Variants in TNFRSF8 observed in about 807,000 individuals in gnomAD.
The protein encoded by TNFRSF8 is TNF receptor superfamily member 8.
In TNFRSF8, 26 loss-of-function variants were observed where a neutral mutation model predicts 70.8. The ratio of observed to expected loss-of-function variants is 0.37; its 90% CI spans 0.27 to 0.51. TNFRSF8 has a LOEUF of 0.51. TNFRSF8 is among the 20% of genes least tolerant of loss of function. The pLI, the probability that TNFRSF8 is intolerant of heterozygous loss-of-function variation, is 0.94. For missense variants in TNFRSF8, 720 were observed against 807.9 expected, an observed-to-expected ratio of 0.89 and a Z score of 1.32; for synonymous variants, 356 against 339.2, an observed-to-expected ratio of 1.05 and a Z score of -0.54.
At chr1:12,066,314 A>G (rs1484034900) in intron 1 of TNFRSF8, among the ~76,000 whole-genome samples, 1 of 151,990 alleles carries the variant, frequency 6.6e-6, no homozygotes, top group Non-Finnish European at 1.5e-5. Context: ...ATTTTAAAAA[A>G]AAAATCCCAA....
At chr1:12,080,362 C>T in intron 1 of TNFRSF8, 2 of 524,418 alleles carry the variant, frequency 3.8e-6, no homozygotes, top group South Asian at 1.4e-5. Flanking sequence ...TGGCCACATC[C>T]ATGCCATAGA....
chr1:12,127,845 A>C (rs1421194317), intron 12 of TNFRSF8, among the ~76,000 whole-genome samples: 1 of 152,186 alleles, frequency 6.6e-6, no homozygotes, highest in East Asian at 1.9e-4. Context: ...GTTACAGAAG[A>C]AAAAAAGAAA....
intron 12 of TNFRSF8, among the ~76,000 whole-genome samples, chr1:12,132,085 C>T (rs1642058573): frequency 6.6e-6 from 1 of 152,210 alleles, no homozygotes; most frequent in African/African-American, 2.4e-5. Flanking sequence ...AGCCACCACG[C>T]CCAGTCTCAT....
intron 2 of TNFRSF8, among the ~76,000 whole-genome samples, chr1:12,085,396 C>T (rs1236773896): frequency 1.3e-5 from 2 of 152,198 alleles, no homozygotes; most frequent in South Asian, 2.1e-4. Context: ...AGGCATGAAC[C>T]AACGTGCCCG....
At chr1:12,098,379 G>A (rs1641365989) in intron 3 of TNFRSF8, among the ~76,000 whole-genome samples, 1 of 152,096 alleles carries the variant, frequency 6.6e-6, no homozygotes, top group Non-Finnish European at 1.5e-5. Flanking sequence ...TACAAAGAGT[G>A]TAAGGAAGAA....
At chr1:12,133,907 G>A (rs1218236378) in intron 12 of TNFRSF8, among the ~76,000 whole-genome samples, 1 of 152,044 alleles carries the variant, frequency 6.6e-6, no homozygotes, top group Non-Finnish European at 1.5e-5. Flanking sequence ...ACAAAAATTA[G>A]CCGGGCGTGG....
At chr1:12,064,653 C>T (rs1330723157) in intron 1 of TNFRSF8, among the ~76,000 whole-genome samples, 2 of 152,072 alleles carry the variant, frequency 1.3e-5, no homozygotes, top group Non-Finnish European at 2.9e-5. Context: ...GTCATCTGAA[C>T]CTTAGGCAGT....
At position 12,063,738 on chromosome 1, in the gene TNFRSF8, G is replaced by C; in HGVS notation, c.63+77G>C. 1.1e-5 allele frequency: 13 copies of C among 1,217,996 alleles called. No homozygotes were observed. The highest frequency in any genetic ancestry group is 1.4e-5 in the Non-Finnish European group (13 of 962,278). The allele number at this position is 1,217,996 out of a possible 1,614,324, so 75.4% of individuals were successfully genotyped here. A position where few individuals can be genotyped will look rare whatever the true frequency, so the allele number is the denominator to read the frequency against. ...AGTGTGGGGTGCGTGGGACGCAAGG[G>C]AGGACACTCCTCACCCCGTTCCCTG... On this transcript the variant is annotated intron_variant, in intron 1 of 14. Transcript: ENST00000263932. This position sits in a 1 kb window ranked among gnomAD's most constrained non-coding sequence, Gnocchi z 7.2.
chr1:12,128,493 G>A lies in TNFRSF8; in HGVS notation c.1309+2257G>A, dbSNP rs192498749. Among the ~76,000 whole-genome samples, 60 of 152,282 alleles carry A rather than the reference G, an allele frequency of 3.9e-4. 1 individual carries two copies. The highest frequency in any genetic ancestry group is 2.6e-3 in the Admixed American group (40 of 15,298). ...CACACGTGATCTCATCCACTCCTCC[G>A]GTGGCCTGTGAGGTACTTACTGTTA... On this transcript the variant is annotated intron_variant, in intron 12 of 14. Coordinates refer to ENST00000263932, the MANE Select transcript of TNFRSF8 (RefSeq NM_001243.5).
At position 12,110,089 on chromosome 1, in the gene TNFRSF8, C is replaced by T; in HGVS notation, c.561C>T (p.Ser187=). The T allele has an allele frequency of 6.2e-7, 1 of 1,613,612 alleles. No homozygotes were observed. The highest frequency in any genetic ancestry group is 8.5e-7 in the Non-Finnish European group (1 of 1,179,794). The change falls in exon 6 of 15, where the codon TCC becomes TCT. Residue 187 remains serine, a synonymous_variant. Coordinates refer to ENST00000263932, the MANE Select transcript of TNFRSF8 (RefSeq NM_001243.5). This position sits in a 1 kb window ranked among gnomAD's most constrained non-coding sequence, Gnocchi z 4.0. The stretch of plus-strand genomic sequence containing the variant: ...CCACCCCGGTGTCCCCAGCAACCTC[C>T]AGTGCCAGCACCATGCCTGTAAGAG... ...AKPTPVSPAT[S]SASTMPVRGG...
rs1641194287 is a variant in TNFRSF8 at position 12,088,628 on chromosome 1, T to C, written c.151+4077T>C. 6.6e-6 allele frequency among the ~76,000 whole-genome samples: 1 copy of C among 152,200 alleles called. No homozygotes were observed. Among genetic ancestry groups the C allele is most frequent in the Non-Finnish European group, 1.5e-5 (1 of 68,028 alleles). ...GACTCGCTCCCCACAGGAAGGGGTCTCTCCTGCAGATGTTTGAGGCCTGCC... is the reference window on the plus strand; with the variant it reads ...GACTCGCTCCCCACAGGAAGGGGTCCCTCCTGCAGATGTTTGAGGCCTGCC... On this transcript the variant is annotated intron_variant, in intron 2 of 14. Transcript: ENST00000263932. This position sits in a 1 kb window ranked among gnomAD's most constrained non-coding sequence, Gnocchi z 4.0.
chr1:12,140,573 C>T (rs2101051819), intron 14 of TNFRSF8, among the ~76,000 whole-genome samples: 1 of 152,294 alleles, frequency 6.6e-6, no homozygotes, highest in African/African-American at 2.4e-5. Context: ...GGGGCAGAGC[C>T]AGAGCGGGGC....
intron 1 of TNFRSF8, among the ~76,000 whole-genome samples, chr1:12,071,608 C>CT (rs887690280): frequency 5.4e-5 from 8 of 149,406 alleles, no homozygotes; most frequent in Non-Finnish European, 6.0e-5. Flanking sequence ...TCCTCTCTCT[C>CT]TTTTTTTTTT....
intron 9 of TNFRSF8, 131 bp from the exon 10 acceptor site, chr1:12,123,584 C>A: frequency 1.0e-6 from 1 of 959,212 alleles, no homozygotes; most frequent in Non-Finnish European, 1.5e-6. Flanking sequence ...AAATGCCTGG[C>A]AGAGACTCGG....
At chr1:12,125,115 CAT>C (rs549327612) in intron 10 of TNFRSF8, among the ~76,000 whole-genome samples, 5 of 152,208 alleles carry the variant, frequency 3.3e-5, no homozygotes, top group African/African-American at 4.8e-5. Context: ...CCAGGGCACT[CAT>C]GTGCACATTA....
chr1:12,126,484 G>C (rs947325863), intron 12 of TNFRSF8, among the ~76,000 whole-genome samples: 16 of 152,224 alleles, frequency 1.1e-4, no homozygotes, highest in Admixed American at 4.6e-4. Flanking sequence ...GCAGCACCTG[G>C]ATGGATGCTG....
chr1:12,074,163 TGCTAAAACGGACTC>T (rs147873412), intron 1 of TNFRSF8, among the ~76,000 whole-genome samples: 2,002 of 152,202 alleles, frequency 0.013, 39 homozygotes, highest in African/African-American at 0.045. Context: ...GGCGTGATCT[TGCTAAAACGGACTC>T]GCTCTCCTCC....
intron 3 of TNFRSF8, among the ~76,000 whole-genome samples, chr1:12,097,482 A>T (rs1641351121): frequency 6.6e-6 from 1 of 152,122 alleles, no homozygotes; most frequent in Admixed American, 6.6e-5. Context: ...CCACAGCCCT[A>T]GGGGAGGATT....
rs1228233307 is a variant in TNFRSF8 at position 12,123,819 on chromosome 1, T to C, written c.1145T>C (p.Leu382Pro). ...CTCTCCTCCACGGGGAAGCCCGTTC[T>C]GGATGCAGGTAATGGTCCCAGCCCA... is the stretch of plus-strand genomic sequence containing the variant. ...VALSSTGKPV[L>P]DAGPVLFWVI... The change falls in exon 10 of 15, where the codon CTG (leucine) becomes CCG (proline). Residue 382 changes from leucine to proline, a missense_variant. Transcript: ENST00000263932. 6.4e-7 allele frequency: 1 copy of C among 1,564,750 alleles called. No individual in the cohort carries two copies. The highest frequency in any genetic ancestry group is 1.2e-5 in the South Asian group (1 of 84,942).
Sources: gnomAD v4.1 joint callset for allele counts (sites outside exome capture counted in the v4.1 genomes callset) on GRCh38, gnomAD v4.1.1 for gene constraint, Gnocchi (gnomAD v3.1) non-coding constraint, MANE v1.5 for transcripts, NCBI Gene and HGNC (gene_info 2026-07-23, HGNC 2026-07-21) for gene names.